The following SPATS2L variants were observed in gnomAD, a reference collection of about 807,000 sequenced individuals.
The protein encoded by SPATS2L is spermatogenesis associated serine rich 2 like.
SPATS2L carries 30 observed loss-of-function variants against 59.6 expected under a neutral mutation model. The ratio of observed to expected loss-of-function variants is 0.50; its 90% CI spans 0.38 to 0.68. The LOEUF (loss-of-function observed/expected upper bound fraction) is 0.68. Among genes scored for constraint, SPATS2L ranks in the 30% least tolerant of loss-of-function variants. The probability of loss-of-function intolerance (pLI) is 0.00; values close to 1 mark genes in which losing one functional copy is unlikely to be tolerated. For synonymous variants in SPATS2L, 252 were observed against 263.5 expected, an observed-to-expected ratio of 0.96 and a Z score of 0.42; for missense variants, 615 against 700.0, an observed-to-expected ratio of 0.88 and a Z score of 1.37.
intron 2 of SPATS2L, among the ~76,000 whole-genome samples, chr2:200,387,058 T>C (rs910584257): frequency 2.6e-5 from 4 of 152,228 alleles, no homozygotes; most frequent in Non-Finnish European, 5.9e-5. Flanking sequence ...TTATTTGTTC[T>C]TGTACTTCAC....
rs1216834560 is a variant in SPATS2L, at chr2:200,478,324, T to C, written c.*293T>C. On this transcript the variant is annotated 3_prime_UTR_variant, in exon 13 of 13. Transcript: ENST00000409140. Reference sequence around the variant, plus strand: ...ATGTGGCTGAAGATCAGAGGCTCAGTTAGCAACCTGTGTTGTAGCAGTGAT... The same window carrying C: ...ATGTGGCTGAAGATCAGAGGCTCAGCTAGCAACCTGTGTTGTAGCAGTGAT... 3.9e-6 allele frequency: 1 copy of C among 253,564 alleles called. No homozygotes were observed. The allele number at this position is 253,564 out of a possible 1,614,324, so 15.7% of individuals were successfully genotyped here. A position where few individuals can be genotyped will look rare whatever the true frequency, so the allele number is the denominator to read the frequency against.
Position 200,473,027 on chromosome 2 carries a change from A to G in SPATS2L, c.1256A>G (p.His419Arg). The G allele has an allele frequency of 6.2e-7, 1 of 1,609,922 alleles. No individual in the cohort carries two copies. Among genetic ancestry groups the G allele is most frequent in the Non-Finnish European group, 8.5e-7 (1 of 1,178,878 alleles). Residue 419 changes from histidine to arginine, a missense_variant, in exon 12 of 13, where the codon CAC (histidine) becomes CGC (arginine). By Grantham distance (29) the His-to-Arg change is conservative (BLOSUM62 0). Around this residue, in one of 3 missense-constraint regions of SPATS2L, gnomAD observed 284 missense variants for 280.1 expected, o/e 1.01. Transcript: ENST00000409140. ...SSLPSTADPS[H>R]QTMPANKQNG... is the part of the protein sequence containing the mutation. ...CTCCCCAGCACCGCCGACCCCTCTC[A>G]CCAGACCATGCCGGCCAACAAGCAG...
chr2:200,413,339 G>T (rs577696639), intron 4 of SPATS2L, among the ~76,000 whole-genome samples: 4 of 152,130 alleles, frequency 2.6e-5, no homozygotes, highest in African/African-American at 7.2e-5. Flanking sequence ...AAATTTTGTT[G>T]TTTAGGTAGT....
At chr2:200,402,420 C>A (rs1228017201) in intron 3 of SPATS2L, among the ~76,000 whole-genome samples, 1 of 152,200 alleles carries the variant, frequency 6.6e-6, no homozygotes, top group East Asian at 1.9e-4. Flanking sequence ...GCATGTTCTT[C>A]CAGTCACTCA....
intron 6 of SPATS2L, among the ~76,000 whole-genome samples, chr2:200,429,465 T>G (rs1317240376): frequency 6.6e-6 from 1 of 152,106 alleles, no homozygotes; most frequent in Non-Finnish European, 1.5e-5. Context: ...ACGTGCAGCC[T>G]TGTGGTGGTG....
chr2:200,349,067 T>C (rs1052630087), intron 2 of SPATS2L, among the ~76,000 whole-genome samples: 11 of 152,144 alleles, frequency 7.2e-5, no homozygotes, highest in Non-Finnish European at 5.9e-5. Context: ...AAAACAGCCC[T>C]TTTTTAAAAA....
intron 11 of SPATS2L, among the ~76,000 whole-genome samples, chr2:200,471,542 A>G (rs1160689177): frequency 6.6e-6 from 1 of 152,188 alleles, no homozygotes; most frequent in African/African-American, 2.4e-5. Flanking sequence ...TGAAAGACAG[A>G]CACCGTAATC....
intron 2 of SPATS2L, among the ~76,000 whole-genome samples, chr2:200,330,624 C>A (rs923483221): frequency 2.0e-5 from 3 of 152,182 alleles, no homozygotes; most frequent in Non-Finnish European, 2.9e-5. Context: ...TAGATCCTGG[C>A]AGCCTTCTAC....
At chr2:200,447,723 A>C (rs561460749) in intron 8 of SPATS2L, among the ~76,000 whole-genome samples, 1 of 152,324 alleles carries the variant, frequency 6.6e-6, no homozygotes, top group Admixed American at 6.5e-5. Flanking sequence ...GTACAGTAAT[A>C]AGATGATGCT....
chr2:200,335,072 G>A (rs1191684613), intron 2 of SPATS2L, among the ~76,000 whole-genome samples: 1 of 152,086 alleles, frequency 6.6e-6, no homozygotes, highest in African/African-American at 2.4e-5. Context: ...AGCTTGATGG[G>A]GATGGCATTG....
intron 2 of SPATS2L, among the ~76,000 whole-genome samples, chr2:200,342,732 G>A (rs781714259): frequency 2.0e-5 from 3 of 152,200 alleles, no homozygotes; most frequent in Non-Finnish European, 2.9e-5. Context: ...TTTTCCAAGC[G>A]GAGTTTGTGA....
chr2:200,342,924 G>T (rs2080381457), intron 2 of SPATS2L, among the ~76,000 whole-genome samples: 2 of 152,210 alleles, frequency 1.3e-5, no homozygotes, highest in South Asian at 4.1e-4. Flanking sequence ...GCTGCTGTAA[G>T]TCCTTTTTGG....
chr2:200,343,265 C>T (rs1012690139), intron 2 of SPATS2L, among the ~76,000 whole-genome samples: 1 of 152,090 alleles, frequency 6.6e-6, no homozygotes, highest in Non-Finnish European at 1.5e-5. Context: ...GGCATCAGGT[C>T]CCAAAGAAAG....
chr2:200,344,083 A>G (rs901137207), intron 2 of SPATS2L, among the ~76,000 whole-genome samples: 1 of 151,966 alleles, frequency 6.6e-6, no homozygotes. Flanking sequence ...TTTATTAAAA[A>G]AAAATAGATT....
intron 6 of SPATS2L, among the ~76,000 whole-genome samples, chr2:200,432,754 G>T (rs1469758614): frequency 6.6e-6 from 1 of 152,150 alleles, no homozygotes; most frequent in African/African-American, 2.4e-5. Context: ...TATGGAAAAA[G>T]AAGATGGATA....
At chr2:200,456,608 C>T (rs927635797) in intron 8 of SPATS2L, among the ~76,000 whole-genome samples, 2 of 152,128 alleles carry the variant, frequency 1.3e-5, no homozygotes, top group African/African-American at 4.8e-5. Flanking sequence ...AAAAGTGTTA[C>T]GATGGTCTTG....
Position 200,453,993 on chromosome 2 carries a change from T to A in SPATS2L, c.789-5776T>A, listed in dbSNP as rs573963219. 2.3e-4 allele frequency among the ~76,000 whole-genome samples: 35 copies of A among 152,182 alleles called. No individual in the cohort carries two copies. The South Asian group carries it at 7.3e-3, about 32-fold the overall frequency. ...GCGCCTCCTGCTGGGCCTGCCTCCC[T>A]CCCCATGCTCCCATTCTGCAATTGT... On this transcript the variant is annotated intron_variant, in intron 8 of 12. Coordinates refer to ENST00000409140, the MANE Select transcript of SPATS2L (RefSeq NM_001100423.2).
At chr2:200,384,814 A>G (rs1335165285) in intron 2 of SPATS2L, among the ~76,000 whole-genome samples, 2 of 152,180 alleles carry the variant, frequency 1.3e-5, no homozygotes, top group Non-Finnish European at 1.5e-5. Flanking sequence ...TTATATCTAC[A>G]TATGTTTATA....
rs184811457 is a variant in SPATS2L at position 200,384,039 on chromosome 2, T to G, written c.-22-5184T>G. The G allele has an allele frequency of 3.8e-4, 377 of 994,898 alleles. 1 individual carries two copies. The Middle Eastern group carries it at 8.2e-3, about 22-fold the overall frequency. The allele number at this position is 994,898 out of a possible 1,614,324, so 61.6% of individuals were successfully genotyped here. On this transcript the variant is annotated intron_variant, in intron 2 of 12. Coordinates refer to ENST00000409140, the MANE Select transcript of SPATS2L (RefSeq NM_001100423.2). ...ATAGGTCAGTACATTGATAGAACTT[T>G]GCATGTTTTATGTGATTGCATTAGA...
Sources: gnomAD v4.1 joint callset for allele counts (sites outside exome capture counted in the v4.1 genomes callset) on GRCh38, gnomAD v4.1.1 for gene constraint, gnomAD v4.1.1 regional missense constraint, MANE v1.5 for transcripts, NCBI Gene and HGNC (gene_info 2026-07-23, HGNC 2026-07-21) for gene names.